Variants in HAND2 observed in about 807,000 individuals in gnomAD.
HAND2 encodes heart and neural crest derivatives expressed 2.
In HAND2, 2 loss-of-function variants were observed where a neutral mutation model predicts 14.7. The ratio of observed to expected loss-of-function variants is 0.14; its 90% CI spans 0.06 to 0.43. HAND2 has a LOEUF of 0.43. HAND2 is among the 20% of genes least tolerant of loss of function. The probability of loss-of-function intolerance (pLI) is 0.99; values close to 1 mark genes in which losing one functional copy is unlikely to be tolerated. For missense variants in HAND2, 275 were observed against 313.6 expected, an observed-to-expected ratio of 0.88 and a Z score of 0.93; for synonymous variants, 162 against 135.9, an observed-to-expected ratio of 1.19 and a Z score of -1.34.
At position 173,529,335 on chromosome 4, in the gene HAND2, C is replaced by T. The variant is rs761094882; in HGVS notation, c.-46G>A. On this transcript the variant is annotated 5_prime_UTR_variant, in exon 1 of 2. Transcript: ENST00000359562. Reference sequence around the variant, plus strand: ...ACGCGCCCCAGCGTGCGCGCAGCCCCGCCGCGCCCTCGGCCCGGGCCCCTG... The same window carrying T: ...ACGCGCCCCAGCGTGCGCGCAGCCCTGCCGCGCCCTCGGCCCGGGCCCCTG... The T allele has an allele frequency of 4.4e-5, 55 of 1,262,220 alleles. No homozygotes were observed. The highest frequency in any genetic ancestry group is 4.8e-5 in the Non-Finnish European group (48 of 1,008,064). The allele number at this position is 1,262,220 out of a possible 1,614,324, so 78.2% of individuals were successfully genotyped here. A position where few individuals can be genotyped will look rare whatever the true frequency, so the allele number is the denominator to read the frequency against.
Position 173,529,355 on chromosome 4 carries a change from C to T in HAND2, c.-66G>A. The T allele has an allele frequency of 8.4e-7, 1 of 1,187,718 alleles. No individual in the cohort carries two copies. The highest frequency in any genetic ancestry group is 1.1e-6 in the Non-Finnish European group (1 of 950,902). 73.6% of individuals were successfully genotyped at this position (1,187,718 alleles called of 1,614,324 possible). ...AGCCCCGCCGCGCCCTCGGCCCGGGCCCCTGCCTCAGCGCTCGGCGTCCTC... is the reference window on the plus strand; with the variant it reads ...AGCCCCGCCGCGCCCTCGGCCCGGGTCCCTGCCTCAGCGCTCGGCGTCCTC... On this transcript the variant is annotated 5_prime_UTR_variant, in exon 1 of 2. Coordinates refer to ENST00000359562, the MANE Select transcript of HAND2 (RefSeq NM_021973.3).
In HAND2 at chr4:173,529,227, G is replaced by C; in HGVS notation, c.63C>G (p.Ala21=). Residue 21 remains alanine (A), a synonymous_variant, in exon 1 of 2, where the codon GCC becomes GCG. Coordinates refer to ENST00000359562, the MANE Select transcript of HAND2 (RefSeq NM_021973.3). ...PVVHHEGYPF[A]AAAAAAAAAA... is the part of the protein sequence containing the mutation. ...CGGCGGCAGCTGCGGCGGCGGCGGC[G>C]GCAAACGGGTAGCCCTCGTGGTGCA... The C allele has an allele frequency of 7.0e-7, 1 of 1,421,060 alleles. No homozygotes were observed. The highest frequency in any genetic ancestry group is 9.1e-7 in the Non-Finnish European group (1 of 1,093,510). The allele number at this position is 1,421,060 out of a possible 1,614,324, so 88.0% of individuals were successfully genotyped here. A position where few individuals can be genotyped will look rare whatever the true frequency, so the allele number is the denominator to read the frequency against.
At position 173,529,084 on chromosome 4, in the gene HAND2, G is replaced by A; in HGVS notation, c.206C>T (p.Ala69Val). 1.3e-6 allele frequency: 2 copies of A among 1,508,556 alleles called. No individual in the cohort carries two copies. The highest frequency in any genetic ancestry group is 1.8e-6 in the Non-Finnish European group (2 of 1,140,512). 93.4% of individuals were successfully genotyped at this position (1,508,556 alleles called of 1,614,324 possible). A position where few individuals can be genotyped will look rare whatever the true frequency, so the allele number is the denominator to read the frequency against. Residue 69 changes from alanine (A) to valine (V), a missense_variant, in exon 1 of 2, where the codon GCC becomes GTC. Around this residue, in one of 4 missense-constraint regions of HAND2, gnomAD observed 175 missense variants for 157.1 expected, o/e 1.11. Transcript: ENST00000359562. ...SMALSYSPEY[A>V]SGAAGLDHSH... is the part of the protein sequence containing the mutation. The stretch of plus-strand genomic sequence containing the variant: ...GTGGTCCAGGCCGGCGGCGCCGCTG[G>A]CATACTCGGGGCTGTAGGACAGGGC...
rs1449729464 is a variant in HAND2, at chr4:173,529,966, C to A, written c.-677G>T. The A allele has an allele frequency of 2.0e-5, 3 of 151,840 alleles. No individual in the cohort carries two copies. The highest frequency in any genetic ancestry group is 2.9e-5 in the Non-Finnish European group (2 of 67,980). 9.4% of individuals were successfully genotyped at this position (151,840 alleles called of 1,614,324 possible). On this transcript the variant is annotated 5_prime_UTR_variant, in exon 1 of 2. Coordinates refer to ENST00000359562, the MANE Select transcript of HAND2 (RefSeq NM_021973.3). The stretch of plus-strand genomic sequence containing the variant: ...TGGTCCTTAAATGTGATTTTAGCTG[C>A]GAGTAACGTGTCCTCGCTCCTCTCG...
At position 173,528,856 on chromosome 4, in the gene HAND2, G is replaced by A; in HGVS notation, c.434C>T (p.Thr145Ile). The A allele has an allele frequency of 1.2e-6, 2 of 1,614,228 alleles. No homozygotes were observed. The highest frequency in any genetic ancestry group is 1.7e-6 in the Non-Finnish European group (2 of 1,180,036). Residue 145 changes from threonine to isoleucine, a missense_variant, in exon 1 of 2, where the codon ACC becomes ATC. Around this residue, in one of 4 missense-constraint regions of HAND2, gnomAD observed 34 missense variants for 77.9 expected, o/e 0.44. Transcript: ENST00000359562. The surrounding 1 kb of genome is among the most constrained non-coding windows in gnomAD (Gnocchi z 5.6). The stretch of plus-strand genomic sequence containing the variant: ...GTCCATGAGGTAGGCGATGTAGCTG[G>A]TGGCCAGGCGCAGGGTCTTGATTTT... ...LSKIKTLRLA[T>I]SYIAYLMDLL...
rs578094346 is a variant in HAND2, at chr4:173,527,042, T to C, written c.*235A>G. On this transcript the variant is annotated 3_prime_UTR_variant, in exon 2 of 2. Transcript: ENST00000359562. ...CGGGAGTGTCCTCTTCGTATTAAAA[T>C]ATGGAATGCTTTTCTTCAAATATCC... 3.4e-5 allele frequency: 23 copies of C among 680,096 alleles called. No homozygotes were observed. Among genetic ancestry groups the C allele is most frequent in the South Asian group, 3.0e-4 (20 of 66,512 alleles). The allele number at this position is 680,096 out of a possible 1,614,324, so 42.1% of individuals were successfully genotyped here.
At position 173,529,013 on chromosome 4, in the gene HAND2, C is replaced by G. The variant is rs529197560; in HGVS notation, c.277G>C (p.Gly93Arg). The G allele has an allele frequency of 5.0e-6, 8 of 1,592,998 alleles. No homozygotes were observed. The highest frequency in any genetic ancestry group is 1.9e-4 in the Middle Eastern group (1 of 5,198). Residue 93 changes from glycine to arginine, a missense_variant, in exon 1 of 2, where the codon GGG (glycine) becomes CGG (arginine). Around this residue, in one of 4 missense-constraint regions of HAND2, gnomAD observed 175 missense variants for 157.1 expected, o/e 1.11. Coordinates refer to ENST00000359562, the MANE Select transcript of HAND2 (RefSeq NM_021973.3). Reference sequence around the variant, plus strand: ...CGGCGCTTCACCGGGCGCGGCCCCCCCAGGCCCGGGGGCCCGGCGCCCGGC... The same window carrying G: ...CGGCGCTTCACCGGGCGCGGCCCCCGCAGGCCCGGGGGCCCGGCGCCCGGC... ...VPPGAGPPGL[G>R]GPRPVKRRGT...
At chr4:173,527,466 G>T (rs1225426136) in intron 1 of HAND2, 91 bp from the exon 2 acceptor site, 1 of 856,536 alleles carries the variant, frequency 1.2e-6, no homozygotes, top group Non-Finnish European at 2.0e-6. Flanking sequence ...TTCCTGCGCC[G>T]GAGGAGACAG....
At position 173,529,584 on chromosome 4, in the gene HAND2, C is replaced by A; in HGVS notation, c.-295G>T. On this transcript the variant is annotated 5_prime_UTR_variant, in exon 1 of 2. Transcript: ENST00000359562. ...CGCCGCCGCCGCCGCCTCCGGTTCC[C>A]GCCTTGCTCCACGGCCCGCGCTTCG... 6.4e-6 allele frequency: 1 copy of A among 155,288 alleles called. No homozygotes were observed. Among genetic ancestry groups the A allele is most frequent in the South Asian group, 1.8e-4 (1 of 5,648 alleles). The allele number at this position is 155,288 out of a possible 1,614,324, so 9.6% of individuals were successfully genotyped here. A position where few individuals can be genotyped will look rare whatever the true frequency, so the allele number is the denominator to read the frequency against.
Position 173,528,726 on chromosome 4 carries a change from G to T in HAND2, c.555+9C>A. Reference sequence around the variant, plus strand: ...TCAGCCCCACCGCCTGCCGCCCCCTGGTACTGACCAGCTCCTTCTTCCTCT... The same window carrying T: ...TCAGCCCCACCGCCTGCCGCCCCCTTGTACTGACCAGCTCCTTCTTCCTCT... On this transcript the variant is annotated intron_variant, in intron 1 of 1. Coordinates refer to ENST00000359562, the MANE Select transcript of HAND2 (RefSeq NM_021973.3). This position sits in a 1 kb window ranked among gnomAD's most constrained non-coding sequence, Gnocchi z 5.6. 1 of 1,610,740 alleles carries T rather than the reference G, an allele frequency of 6.2e-7. No homozygotes were observed.
In HAND2 at chr4:173,527,569, G is replaced by C. The variant is rs867153194; in HGVS notation, c.556-194C>G. ...CTACCCTAGCCGGCGGGGAGGCCTC[G>C]GCGCTGCAGCGCTCAACAACCGGAT... On this transcript the variant is annotated intron_variant, in intron 1 of 1. Transcript: ENST00000359562. 5 of 614,668 alleles carry C rather than the reference G, an allele frequency of 8.1e-6. No individual in the cohort carries two copies. In the East Asian group the frequency reaches 1.1e-4, roughly 14 times the overall value. The allele number at this position is 614,668 out of a possible 1,614,324, so 38.1% of individuals were successfully genotyped here.
At chr4:173,527,547 C>A in intron 1 of HAND2, 172 bp from the exon 2 acceptor site, 1 of 647,788 alleles carries the variant, frequency 1.5e-6, no homozygotes, top group Non-Finnish European at 2.8e-6. Context: ...GTTAGCGCTA[C>A]CCTAGCCGGC....
chr4:173,529,193 T>TGGCGGC lies in HAND2; in HGVS notation c.91_96dup (p.Ala31_Ala32dup), dbSNP rs756945261. 1.3e-5 allele frequency: 19 copies of TGGCGGC among 1,437,706 alleles called. No homozygotes were observed. Among genetic ancestry groups the TGGCGGC allele is most frequent in the African/African-American group, 7.5e-5 (5 of 66,604 alleles). 89.1% of individuals were successfully genotyped at this position (1,437,706 alleles called of 1,614,324 possible). On this transcript the variant is annotated inframe_insertion, in exon 1 of 2. Coordinates refer to ENST00000359562, the MANE Select transcript of HAND2 (RefSeq NM_021973.3). The stretch of plus-strand genomic sequence containing the variant: ...GGGTTCTCCTCATGGCTGCAGCGGC[T>TGGCGGC]GGCGGCGGCGGCGGCAGCTGCGGCG...
In HAND2 at chr4:173,529,259, G is replaced by A. The variant is rs1731616522; in HGVS notation, c.31C>T (p.Pro11Ser). The change falls in exon 1 of 2, where the codon CCG becomes TCG. Residue 11 changes from proline (P) to serine (S), a missense_variant. Pro to Ser is a moderately conservative substitution (Grantham distance 74). Coordinates refer to ENST00000359562, the MANE Select transcript of HAND2 (RefSeq NM_021973.3). MSLVGGFPHH[P>S]VVHHEGYPFA... ...GGGTAGCCCTCGTGGTGCACCACCGGGTGGTGGGGAAAACCACCTACCAGA... is the reference window on the plus strand; with the variant it reads ...GGGTAGCCCTCGTGGTGCACCACCGAGTGGTGGGGAAAACCACCTACCAGA... 7.3e-7 allele frequency: 1 copy of A among 1,375,082 alleles called. No individual in the cohort carries two copies. Among genetic ancestry groups the A allele is most frequent in the Non-Finnish European group, 9.3e-7 (1 of 1,072,996 alleles). The allele number at this position is 1,375,082 out of a possible 1,614,324, so 85.2% of individuals were successfully genotyped here. A position where few individuals can be genotyped will look rare whatever the true frequency, so the allele number is the denominator to read the frequency against.
rs374547697 is a variant in HAND2 at position 173,528,426 on chromosome 4, G to C, written c.555+309C>G. On this transcript the variant is annotated intron_variant, in intron 1 of 1. Transcript: ENST00000359562. The surrounding 1 kb of genome is among the most constrained non-coding windows in gnomAD (Gnocchi z 5.6). ...GAGACGGGGTGAGGCATCCAGACCA[G>C]TGCGATCGCGATCGATCGCGACCCA... 30 of 429,184 alleles carry C rather than the reference G, an allele frequency of 7.0e-5. No individual in the cohort carries two copies. The highest frequency in any genetic ancestry group is 5.0e-4 in the East Asian group (10 of 19,958). The allele number at this position is 429,184 out of a possible 1,614,324, so 26.6% of individuals were successfully genotyped here.
Position 173,529,332 on chromosome 4 carries a change from C to A in HAND2, c.-43G>T. On this transcript the variant is annotated 5_prime_UTR_variant, in exon 1 of 2. Transcript: ENST00000359562. ...TCCACGCGCCCCAGCGTGCGCGCAG[C>A]CCCGCCGCGCCCTCGGCCCGGGCCC... 2.4e-6 allele frequency: 3 copies of A among 1,263,500 alleles called. No homozygotes were observed. Among genetic ancestry groups the A allele is most frequent in the Non-Finnish European group, 3.0e-6 (3 of 1,008,534 alleles). The allele number at this position is 1,263,500 out of a possible 1,614,324, so 78.3% of individuals were successfully genotyped here.
Position 173,527,097 on chromosome 4 carries a change from CA to C in HAND2, c.*179del, listed in dbSNP as rs1377446970. 1 of 701,136 alleles carries C rather than the reference CA, an allele frequency of 1.4e-6. No individual in the cohort carries two copies. The highest frequency in any genetic ancestry group is 1.5e-5 in the South Asian group (1 of 66,930). 43.4% of individuals were successfully genotyped at this position (701,136 alleles called of 1,614,324 possible). A position where few individuals can be genotyped will look rare whatever the true frequency, so the allele number is the denominator to read the frequency against. ...TTTTTTTGGAGGGGGAGACGGGGAG[CA>C]GATGCCTCAAAGGGGGTCAAAGAGA... On this transcript the variant is annotated 3_prime_UTR_variant, in exon 2 of 2. Transcript: ENST00000359562.
chr4:173,528,461 A>AG lies in HAND2; in HGVS notation c.555+273dup. 1 of 489,850 alleles carries AG rather than the reference A, an allele frequency of 2.0e-6. No homozygotes were observed. Among genetic ancestry groups the AG allele is most frequent in the South Asian group, 2.2e-5 (1 of 45,914 alleles). 30.3% of individuals were successfully genotyped at this position (489,850 alleles called of 1,614,324 possible). On this transcript the variant is annotated intron_variant, in intron 1 of 1. Transcript: ENST00000359562. This position sits in a 1 kb window ranked among gnomAD's most constrained non-coding sequence, Gnocchi z 5.6. ...GATCGATCGCGACCCAGAGTTTTCA[A>AG]GGTCCGTCCTAAGTACTAGGGGAGC...
chr4:173,528,853 C>T lies in HAND2; in HGVS notation c.437G>A (p.Ser146Asn). 1 of 1,614,224 alleles carries T rather than the reference C, an allele frequency of 6.2e-7. No homozygotes were observed. ...CAGGTCCATGAGGTAGGCGATGTAG[C>T]TGGTGGCCAGGCGCAGGGTCTTGAT... is the stretch of plus-strand genomic sequence containing the variant. ...SKIKTLRLAT[S>N]YIAYLMDLLA... is the part of the protein sequence containing the mutation. The change falls in exon 1 of 2, where the codon AGC becomes AAC. Residue 146 changes from serine (S) to asparagine (N), a missense_variant. By Grantham distance (46) the Ser-to-Asn change is conservative. Around this residue, in one of 4 missense-constraint regions of HAND2, gnomAD observed 34 missense variants for 77.9 expected, o/e 0.44. Transcript: ENST00000359562. The surrounding 1 kb of genome is among the most constrained non-coding windows in gnomAD (Gnocchi z 5.6).
Sources: allele counts gnomAD v4.1 joint callset, GRCh38; gene constraint gnomAD v4.1.1; regional missense constraint gnomAD v4.1.1; non-coding constraint Gnocchi (gnomAD v3.1); transcripts MANE v1.5; gene names NCBI Gene and HGNC (gene_info 2026-07-23, HGNC 2026-07-21).